PCARE: variants seen among roughly 807,000 people sequenced by gnomAD.
The protein encoded by PCARE is uncharacterized protein C2orf71.
A neutral mutation model predicts 82.2 loss-of-function variants in PCARE; 72 were observed. The observed-to-expected ratio is 0.88, with a 90% CI of 0.72 to 1.07. The LOEUF is 1.07. PCARE is among the 50% of genes least tolerant of loss of function. The probability of loss-of-function intolerance (pLI) is 0.00; values close to 1 mark genes in which losing one functional copy is unlikely to be tolerated. For missense variants in PCARE, 1,768 were observed against 1,592.4 expected (o/e 1.11, Z -1.88); for synonymous variants, 705 against 634.8 (o/e 1.11, Z -1.66).
chr2:29,073,777 T>G lies in PCARE; in HGVS notation c.485A>C (p.Gln162Pro). Residue 162 changes from glutamine to proline, a missense_variant, in exon 1 of 2, where the codon CAA (glutamine) becomes CCA (proline). By Grantham distance (76) the Gln-to-Pro change is moderately conservative. Transcript: ENST00000331664. Reference protein sequence around the residue: ...HTSSTQSHCYQTIHPAHEPEG... With the variant: ...HTSSTQSHCYPTIHPAHEPEG... ...AGGCTCATGAGCAGGGTGGATGGTT[T>G]GGTAGCAGTGGCTCTGTGTGCTTGA... The G allele has an allele frequency of 6.2e-7, 1 of 1,614,214 alleles. No individual in the cohort carries two copies. Among genetic ancestry groups the G allele is most frequent in the Non-Finnish European group, 8.5e-7 (1 of 1,180,036 alleles).
At position 29,071,977 on chromosome 2, in the gene PCARE, C is replaced by A; in HGVS notation, c.2285G>T (p.Cys762Phe). ...CTTGGGAAATCTGGGGGGCATGATG[C>A]AATTCCTGAGGCAGGGACTTGCCCC... ...DAGASPCLRN[C>F]IMPPRFPKYT... Residue 762 changes from cysteine to phenylalanine, a missense_variant, in exon 1 of 2, where the codon TGC becomes TTC. Transcript: ENST00000331664. The A allele has an allele frequency of 1.9e-6, 3 of 1,613,906 alleles. No individual in the cohort carries two copies. Among genetic ancestry groups the A allele is most frequent in the Non-Finnish European group, 2.5e-6 (3 of 1,179,796 alleles).
Position 29,072,106 on chromosome 2 carries a change from T to C in PCARE, c.2156A>G (p.Asp719Gly). The C allele has an allele frequency of 6.2e-7, 1 of 1,614,228 alleles. No individual in the cohort carries two copies. Among genetic ancestry groups the C allele is most frequent in the Non-Finnish European group, 8.5e-7 (1 of 1,180,042 alleles). ...GGTGGGACAGCCTCTGACATTCCAGTCTGTGGCCTTGGCAGCCTCACTGAC... is the reference window on the plus strand; with the variant it reads ...GGTGGGACAGCCTCTGACATTCCAGCCTGTGGCCTTGGCAGCCTCACTGAC... ...GEVSEAAKAT[D>G]WNVRGCPTRT... The change falls in exon 1 of 2, where the codon GAC (aspartate) becomes GGC (glycine). Residue 719 changes from aspartate to glycine, a missense_variant. Coordinates refer to ENST00000331664, the MANE Select transcript of PCARE (RefSeq NM_001029883.3).
chr2:29,071,110 G>A lies in PCARE; in HGVS notation c.3152C>T (p.Pro1051Leu), dbSNP rs543584326. The A allele has an allele frequency of 1.5e-5, 24 of 1,594,842 alleles. No individual in the cohort carries two copies. In the East Asian group the frequency reaches 1.8e-4, roughly 12 times the overall value. The change falls in exon 1 of 2, where the codon CCG (proline) becomes CTG (leucine). Residue 1051 changes from proline (P) to leucine (L), a missense_variant. Transcript: ENST00000331664. ...PPTTKRRTSP[P>L]HQPKLPNPPP... ...AGGGTTGGGCAACTTGGGCTGGTGC[G>A]GTGGGGAAGTTCGCCGCTTTGTGGT...
At position 29,074,077 on chromosome 2, in the gene PCARE, G is replaced by T. The variant is rs1167271382; in HGVS notation, c.185C>A (p.Pro62Gln). The T allele has an allele frequency of 6.2e-7, 1 of 1,614,102 alleles. No individual in the cohort carries two copies. The highest frequency in any genetic ancestry group is 1.3e-5 in the African/African-American group (1 of 74,922). ...DAGEGLAEEQ[P>Q]SPRRNQTTAK... ...TGTGGTTTGGTTCCTCCTGGGACTT[G>T]GCTGCTCCTCTGCCAGGCCCTCCCC... Residue 62 changes from proline (P) to glutamine (Q), a missense_variant, in exon 1 of 2, where the codon CCA (proline) becomes CAA (glutamine). Pro to Gln is a moderately conservative substitution (Grantham distance 76, BLOSUM62 -1). Coordinates refer to ENST00000331664, the MANE Select transcript of PCARE (RefSeq NM_001029883.3).
In PCARE at chr2:29,071,199, T is replaced by C. The variant is rs761165842; in HGVS notation, c.3063A>G (p.Pro1021=). ...GGGGCGTCTGCACAGCAGAGGGGCT[T>C]GGCTGGGCAGGTCTGTAAGAGGAGG... ...SLPSSYRPAQ[P]SPSAVQTPPS... is the part of the protein sequence containing the mutation. Residue 1021 remains proline (P), a synonymous_variant, in exon 1 of 2, where the codon CCA becomes CCG. Transcript: ENST00000331664. 2.5e-5 allele frequency: 40 copies of C among 1,600,232 alleles called. No homozygotes were observed. Among genetic ancestry groups the C allele is most frequent in the Non-Finnish European group, 7.7e-6 (9 of 1,173,208 alleles).
chr2:29,064,701 G>A lies in PCARE; in HGVS notation c.*168C>T, dbSNP rs181822500. The A allele has an allele frequency of 4.8e-5, 40 of 831,348 alleles. No individual in the cohort carries two copies. The Admixed American group carries it at 5.1e-4, about 11-fold the overall frequency. 51.5% of individuals were successfully genotyped at this position (831,348 alleles called of 1,614,324 possible). ...AGCAAGATCTGGGACTGAAAACGGC[G>A]ATTGTTTAAAATTCAGCAGACCCAC... On this transcript the variant is annotated 3_prime_UTR_variant, in exon 2 of 2. Transcript: ENST00000331664.
rs763595029 is a variant in PCARE at position 29,074,105 on chromosome 2, C to A, written c.157G>T (p.Ala53Ser). The change falls in exon 1 of 2, where the codon GCT becomes TCT. Residue 53 changes from alanine to serine, a missense_variant. Ala to Ser is a moderately conservative substitution (Grantham distance 99). Coordinates refer to ENST00000331664, the MANE Select transcript of PCARE (RefSeq NM_001029883.3). ...LLVKNSTCYD[A>S]GEGLAEEQPS... ...TGCTCCTCTGCCAGGCCCTCCCCAG[C>A]GTCATAGCAGGTGGAGTTTTTAACC... 69 of 1,614,072 alleles carry A rather than the reference C, an allele frequency of 4.3e-5. No homozygotes were observed. The highest frequency in any genetic ancestry group is 5.8e-5 in the Non-Finnish European group (69 of 1,180,030).
rs750602329 is a variant in PCARE, at chr2:29,072,949, G to A, written c.1313C>T (p.Thr438Ile). ...DEARSPCLSSTSPENITSPPL... is the reference protein window; with the variant it reads ...DEARSPCLSSISPENITSPPL... ...TGGGGAGGTGATATTTTCTGGGCTT[G>A]TACTGGAGAGGCATGGGCTCCTTGC... Residue 438 changes from threonine (T) to isoleucine (I), a missense_variant, in exon 1 of 2, where the codon ACA (threonine) becomes ATA (isoleucine). By Grantham distance (89) the Thr-to-Ile change is moderately conservative (BLOSUM62 -1). Coordinates refer to ENST00000331664, the MANE Select transcript of PCARE (RefSeq NM_001029883.3). The A allele has an allele frequency of 1.9e-6, 3 of 1,614,172 alleles. No homozygotes were observed. Among genetic ancestry groups the A allele is most frequent in the East Asian group, 2.2e-5 (1 of 44,882 alleles).
At position 29,070,579 on chromosome 2, in the gene PCARE, C is replaced by T. The variant is rs1667454016; in HGVS notation, c.3668+15G>A. 6.2e-7 allele frequency: 1 copy of T among 1,613,832 alleles called. No homozygotes were observed. The highest frequency in any genetic ancestry group is 8.5e-7 in the Non-Finnish European group (1 of 1,179,800). On this transcript the variant is annotated intron_variant, in intron 1 of 1. Coordinates refer to ENST00000331664, the MANE Select transcript of PCARE (RefSeq NM_001029883.3). ...CCAAGCCGCTGAAGGGCAGTGACCC[C>T]AGGACACTCCTTACCTGTTCTGGCC... is the stretch of plus-strand genomic sequence containing the variant.
At position 29,071,040 on chromosome 2, in the gene PCARE, TG is replaced by T. The variant is rs1443801415; in HGVS notation, c.3221del (p.Pro1074GlnfsTer39). 3.8e-6 allele frequency: 3 copies of T among 789,334 alleles called. No individual in the cohort carries two copies. Among genetic ancestry groups the T allele is most frequent in the Non-Finnish European group, 3.4e-6 (2 of 584,838 alleles). The allele number at this position is 789,334 out of a possible 1,614,324, so 48.9% of individuals were successfully genotyped here. A position where few individuals can be genotyped will look rare whatever the true frequency, so the allele number is the denominator to read the frequency against. The part of the protein sequence containing the change: ...APAQCKVPSP[P>X]TQHPEASPPF... ...GGGGGCTTGCTTCTGGGTGCTGGGT[TG>T]GGGGGCTGGGGACCTTGCACTGAGC... On this transcript the variant is annotated frameshift_variant, in exon 1 of 2. Transcript: ENST00000331664. LOFTEE classifies it high-confidence loss of function.
At chr2:29,065,197 G>A (rs1667374221) in intron 1 of PCARE, 130 bp from the exon 2 acceptor site, 2 of 1,111,996 alleles carry the variant, frequency 1.8e-6, no homozygotes, top group Non-Finnish European at 2.6e-6. Flanking sequence ...CACCCTGGGT[G>A]CCAGGCCTCT....
chr2:29,065,531 G>T (rs936005971), intron 1 of PCARE, among the ~76,000 whole-genome samples: 1 of 152,262 alleles, frequency 6.6e-6, no homozygotes, highest in Admixed American at 6.5e-5. Flanking sequence ...TTGGCCCAGC[G>T]CAGGCCCCGC....
intron 1 of PCARE, among the ~76,000 whole-genome samples, chr2:29,066,908 C>G (rs150301120): frequency 0.013 from 1,966 of 152,358 alleles, 28 homozygotes; most frequent in Non-Finnish European, 0.02. Flanking sequence ...CCCCAACATC[C>G]TGAGACCTAG....
chr2:29,073,133 G>T lies in PCARE; in HGVS notation c.1129C>A (p.Pro377Thr). ...KQTSWDLAPEPEEWKSVTSPH... is the reference protein window; with the variant it reads ...KQTSWDLAPETEEWKSVTSPH... ...GAAGTCACCGACTTCCATTCTTCGGGCTCTGGTGCAAGGTCCCAGCTGGTT... is the reference window on the plus strand; with the variant it reads ...GAAGTCACCGACTTCCATTCTTCGGTCTCTGGTGCAAGGTCCCAGCTGGTT... The change falls in exon 1 of 2, where the codon CCC becomes ACC. Residue 377 changes from proline to threonine, a missense_variant. Physicochemically the swap from Pro to Thr is conservative, Grantham distance 38. Coordinates refer to ENST00000331664, the MANE Select transcript of PCARE (RefSeq NM_001029883.3). 6.2e-7 allele frequency: 1 copy of T among 1,614,082 alleles called. No individual in the cohort carries two copies. The highest frequency in any genetic ancestry group is 8.5e-7 in the Non-Finnish European group (1 of 1,180,010).
chr2:29,066,887 T>G (rs1667398909), intron 1 of PCARE, among the ~76,000 whole-genome samples: 1 of 152,226 alleles, frequency 6.6e-6, no homozygotes, highest in Non-Finnish European at 1.5e-5. Context: ...CCTTCTCAAA[T>G]GCACACAGTG....
At chr2:29,066,514 A>G (rs955268493) in intron 1 of PCARE, among the ~76,000 whole-genome samples, 2 of 152,362 alleles carry the variant, frequency 1.3e-5, no homozygotes, top group East Asian at 1.9e-4. Context: ...TTTATTGCAC[A>G]ATGTGCTCAG....
In PCARE at chr2:29,074,348, T is replaced by C. The variant is rs1667551385; in HGVS notation, c.-87A>G. On this transcript the variant is annotated 5_prime_UTR_variant, in exon 1 of 2. Coordinates refer to ENST00000331664, the MANE Select transcript of PCARE (RefSeq NM_001029883.3). Reference sequence around the variant, plus strand: ...TAGGAACAAAAGGCAATCTTACTAGTCCATCCAGGCAATTTTCAGGCCAGA... The same window carrying C: ...TAGGAACAAAAGGCAATCTTACTAGCCCATCCAGGCAATTTTCAGGCCAGA... 3 of 1,401,006 alleles carry C rather than the reference T, an allele frequency of 2.1e-6. No homozygotes were observed. Among genetic ancestry groups the C allele is most frequent in the Non-Finnish European group, 2.9e-6 (3 of 1,044,154 alleles). 86.8% of individuals were successfully genotyped at this position (1,401,006 alleles called of 1,614,324 possible).
rs954144109 is a variant in PCARE at position 29,064,998 on chromosome 2, G to A, written c.3738C>T (p.Gly1246=). ...GSSPCSPELQ[G]GTRRASPPEF... ...CTGGGGGAGATGCACGCCTGGTGCCGCCCTGCAGTTCAGGGGAACAGGGGC... is the reference window on the plus strand; with the variant it reads ...CTGGGGGAGATGCACGCCTGGTGCCACCCTGCAGTTCAGGGGAACAGGGGC... Residue 1246 remains glycine, a synonymous_variant, in exon 2 of 2, where the codon GGC becomes GGT. Coordinates refer to ENST00000331664, the MANE Select transcript of PCARE (RefSeq NM_001029883.3). The A allele has an allele frequency of 7.0e-6, 11 of 1,572,418 alleles. No homozygotes were observed. The highest frequency in any genetic ancestry group is 6.8e-5 in the African/African-American group (5 of 73,736).
In PCARE at chr2:29,070,919, C is replaced by G. The variant is rs973512286; in HGVS notation, c.3343G>C (p.Val1115Leu). The change falls in exon 1 of 2, where the codon GTG becomes CTG. Residue 1115 changes from valine (V) to leucine (L), a missense_variant. Coordinates refer to ENST00000331664, the MANE Select transcript of PCARE (RefSeq NM_001029883.3). ...SEDSQAVIAKVSGNTHSIFCP... is the reference protein window; with the variant it reads ...SEDSQAVIAKLSGNTHSIFCP... ...AATATGGAATGTGTGTTCCCAGACA[C>G]TTTGGCTATGACTGCTTGGCTGTCT... 1.2e-6 allele frequency: 2 copies of G among 1,613,268 alleles called. No individual in the cohort carries two copies. The highest frequency in any genetic ancestry group is 2.7e-5 in the African/African-American group (2 of 74,626).
Sources: gnomAD v4.1 joint callset for allele counts (sites outside exome capture counted in the v4.1 genomes callset) on GRCh38, gnomAD v4.1.1 for gene constraint, MANE v1.5 for transcripts, NCBI Gene and HGNC (gene_info 2026-07-23, HGNC 2026-07-21) for gene names.